Variants in GDPD1 observed in about 807,000 individuals in gnomAD.
The protein encoded by GDPD1 is glycerophosphodiester phosphodiesterase domain containing 1.
A neutral mutation model predicts 45.1 loss-of-function variants in GDPD1; 28 were observed. That is an observed-to-expected ratio of 0.62 (90% CI 0.46 to 0.85). The LOEUF (loss-of-function observed/expected upper bound fraction) is 0.85. Ranked by LOEUF, GDPD1 falls within the 40% of genes least tolerant of loss-of-function variation. The pLI, the probability that GDPD1 is intolerant of heterozygous loss-of-function variation, is 0.00. For missense variants in GDPD1, 256 were observed against 364.8 expected, an observed-to-expected ratio of 0.70 and a Z score of 2.43; for synonymous variants, 139 against 131.4, an observed-to-expected ratio of 1.06 and a Z score of -0.40.
intron 2 of GDPD1, 56 bp downstream of exon 2, chr17:59,234,590 C>G: frequency 8.9e-7 from 1 of 1,127,698 alleles, no homozygotes; most frequent in South Asian, 1.3e-5. Context: ...TGCAGGCTTT[C>G]TTTAAAGTGA....
intron 4 of GDPD1, 126 bp downstream of exon 4, chr17:59,248,911 A>G: frequency 1.6e-6 from 1 of 620,414 alleles, no homozygotes; most frequent in Non-Finnish European, 2.9e-6. Flanking sequence ...ACAAATCTGA[A>G]TACTTGAAAA....
At position 59,273,646 on chromosome 17, in the gene GDPD1, T is replaced by C. The variant is rs768939772; in HGVS notation, c.823-5T>C. ...TCTCATACTTCTCACACTTCTAATT[T>C]TCAGGTGTATATTTGGGTATTAAAT... On this transcript the variant is annotated splice_polypyrimidine_tract_variant and splice_region_variant and intron_variant, in intron 9 of 9. Coordinates refer to ENST00000284116, the MANE Select transcript of GDPD1 (RefSeq NM_182569.4). The C allele has an allele frequency of 3.5e-6, 5 of 1,446,722 alleles. No individual in the cohort carries two copies. The highest frequency in any genetic ancestry group is 4.8e-6 in the Non-Finnish European group (5 of 1,052,284). The allele number at this position is 1,446,722 out of a possible 1,614,324, so 89.6% of individuals were successfully genotyped here. A position where few individuals can be genotyped will look rare whatever the true frequency, so the allele number is the denominator to read the frequency against.
At chr17:59,226,780 A>G (rs777697156) in intron 1 of GDPD1, among the ~76,000 whole-genome samples, 6 of 151,960 alleles carry the variant, frequency 3.9e-5, no homozygotes, top group East Asian at 1.9e-4. Context: ...GGTTCAATCA[A>G]TTCTCTGTCT....
At chr17:59,250,742 C>T (rs1032087774) in intron 4 of GDPD1, among the ~76,000 whole-genome samples, 26 of 152,088 alleles carry the variant, frequency 1.7e-4, no homozygotes, top group Admixed American at 3.9e-4. Context: ...CTCTGTTGCC[C>T]AGGCTGGAGT....
At chr17:59,271,083 C>A in intron 8 of GDPD1, 88 bp downstream of exon 8, 1 of 777,620 alleles carries the variant, frequency 1.3e-6, no homozygotes. Flanking sequence ...AAGCTTTCCA[C>A]ATGTAATTTG....
chr17:59,235,723 A>G (rs1360130413), intron 2 of GDPD1, among the ~76,000 whole-genome samples: 1 of 151,858 alleles, frequency 6.6e-6, no homozygotes, highest in Non-Finnish European at 1.5e-5. Flanking sequence ...AGTCTGGGGC[A>G]TGAGAATTGC....
chr17:59,274,126 T>C lies in GDPD1; in HGVS notation c.*353T>C, dbSNP rs957924318. On this transcript the variant is annotated 3_prime_UTR_variant, in exon 10 of 10. Transcript: ENST00000284116. Reference sequence around the variant, plus strand: ...TCTACAGAAATCTTGATCAATAACCTAGAAACTAGGTTATCTAGGTTATTG... The same window carrying C: ...TCTACAGAAATCTTGATCAATAACCCAGAAACTAGGTTATCTAGGTTATTG... 1 of 841,040 alleles carries C rather than the reference T, an allele frequency of 1.2e-6. No homozygotes were observed. The highest frequency in any genetic ancestry group is 6.3e-5 in the Admixed American group (1 of 15,976). 52.1% of individuals were successfully genotyped at this position (841,040 alleles called of 1,614,324 possible).
rs140855963 is a variant in GDPD1, at chr17:59,255,369, G to A, written c.368-1753G>A. The stretch of plus-strand genomic sequence containing the variant: ...TAATCCCAGCACTTAGGGAGGCTGA[G>A]GCAGGAGGTTTGCTTGAGATCAGAA... On this transcript the variant is annotated intron_variant, in intron 4 of 9. Transcript: ENST00000284116. Among the ~76,000 whole-genome samples, 1,082 of 152,058 alleles carry A rather than the reference G, an allele frequency of 7.1e-3. 18 individuals carry two copies. The highest frequency in any genetic ancestry group is 0.021 in the South Asian group (103 of 4,812).
intron 1 of GDPD1, among the ~76,000 whole-genome samples, chr17:59,227,026 A>G (rs775245720): frequency 1.5e-4 from 23 of 152,040 alleles, no homozygotes; most frequent in Non-Finnish European, 2.9e-4. Context: ...GTCTCTTTCT[A>G]TTAAGAAGAA....
intron 1 of GDPD1, among the ~76,000 whole-genome samples, chr17:59,233,866 A>G (rs1387175704): frequency 6.6e-6 from 1 of 152,188 alleles, no homozygotes; most frequent in Non-Finnish European, 1.5e-5. Context: ...TGTTTCGTGC[A>G]TAAAATTATT....
chr17:59,264,375 C>A (rs951158810), intron 6 of GDPD1, among the ~76,000 whole-genome samples: 1 of 152,008 alleles, frequency 6.6e-6, no homozygotes, highest in African/African-American at 2.4e-5. Context: ...CTCACTGCAA[C>A]CTCCACCTCC....
intron 4 of GDPD1, among the ~76,000 whole-genome samples, chr17:59,253,056 C>A (rs1215655618): frequency 6.6e-6 from 1 of 151,112 alleles, no homozygotes; most frequent in African/African-American, 2.4e-5. Context: ...TGAAGGTAAC[C>A]TTTTTTTTTC....
At position 59,270,699 on chromosome 17, in the gene GDPD1, CATTTATTT is replaced by C. The variant is rs528102639; in HGVS notation, c.711-217_711-210del. 5.3e-3 allele frequency among the ~76,000 whole-genome samples: 811 copies of C among 151,906 alleles called. 10 individuals are homozygous for C. The highest frequency in any genetic ancestry group is 0.018 in the African/African-American group (740 of 41,432). On this transcript the variant is annotated intron_variant, in intron 7 of 9. Coordinates refer to ENST00000284116, the MANE Select transcript of GDPD1 (RefSeq NM_182569.4). ...GACAATATTTATTTATTTATGTATGCATTTATTTATTTATTTATTTATTTATTACTTTT... is the reference window on the plus strand; with the variant it reads ...GACAATATTTATTTATTTATGTATGCATTTATTTATTTATTTATTACTTTT...
chr17:59,249,254 G>A (rs1204141881), intron 4 of GDPD1: 2 of 152,192 alleles, frequency 1.3e-5, no homozygotes, highest in Non-Finnish European at 2.9e-5. Context: ...TATTAGCTAG[G>A]CATGGTAATG....
At chr17:59,248,811 A>C in intron 4 of GDPD1, 26 bp downstream of exon 4, 3 of 1,555,234 alleles carry the variant, frequency 1.9e-6, no homozygotes, top group Non-Finnish European at 2.6e-6. Flanking sequence ...TGTGGCTTAA[A>C]CATTTGTGTT....
intron 7 of GDPD1, among the ~76,000 whole-genome samples, chr17:59,269,485 C>CG (rs893597919): frequency 1.4e-5 from 2 of 141,908 alleles, no homozygotes; most frequent in Non-Finnish European, 1.6e-5. Context: ...ACCCCCCCCC[C>CG]CAAAAAACAC....
At chr17:59,270,170 A>G (rs1194013173) in intron 7 of GDPD1, among the ~76,000 whole-genome samples, 1 of 151,944 alleles carries the variant, frequency 6.6e-6, no homozygotes, top group Non-Finnish European at 1.5e-5. Flanking sequence ...AGAGTTAGGG[A>G]AAAAAGGACT....
chr17:59,247,507 T>A (rs1944769966), intron 3 of GDPD1, among the ~76,000 whole-genome samples: 1 of 152,212 alleles, frequency 6.6e-6, no homozygotes, highest in Non-Finnish European at 1.5e-5. Context: ...ATACTCATCT[T>A]TCATAAACAT....
chr17:59,232,827 T>C (rs1051726087), intron 1 of GDPD1, among the ~76,000 whole-genome samples: 2 of 152,088 alleles, frequency 1.3e-5, no homozygotes, highest in African/African-American at 4.8e-5. Context: ...GAATTCCCCC[T>C]CACTCCTAGA....
Sources: gnomAD v4.1 joint callset for allele counts (sites outside exome capture counted in the v4.1 genomes callset) on GRCh38, gnomAD v4.1.1 for gene constraint, MANE v1.5 for transcripts, NCBI Gene and HGNC (gene_info 2026-07-23, HGNC 2026-07-21) for gene names.